The following SYNE1 variants were observed in gnomAD, a reference collection of about 807,000 sequenced individuals.
SYNE1 encodes spectrin repeat containing nuclear envelope protein 1.
Under a neutral mutation model 1,111.0 loss-of-function variants are expected in SYNE1, and 616 were observed. That is an observed-to-expected ratio of 0.55 (90% CI 0.52 to 0.59). The LOEUF (loss-of-function observed/expected upper bound fraction) is 0.59. Among genes scored for constraint, SYNE1 ranks in the 20% least tolerant of loss-of-function variants. SYNE1 has a pLI of 0.00. For synonymous variants in SYNE1, 3,855 were observed against 3,825.8 expected (o/e 1.01, Z -0.28); for missense variants, 10,006 against 10,417.0 (o/e 0.96, Z 1.72).
chr6:152,329,538 AAAAAC>A (rs529023140), intron 78 of SYNE1, among the ~76,000 whole-genome samples, 187 bp downstream of exon 78: 11 of 152,354 alleles, frequency 7.2e-5, no homozygotes, highest in Non-Finnish European at 1.2e-4. Context: ...AAAAAACCCA[AAAAAC>A]AAAACAAAAC....
At chr6:152,129,993 G>C (rs2054980435) in intron 145 of SYNE1, among the ~76,000 whole-genome samples, 1 of 152,208 alleles carries the variant, frequency 6.6e-6, no homozygotes, top group Non-Finnish European at 1.5e-5. Flanking sequence ...AGAAGGCAAA[G>C]CACTGCTAAC....
chr6:152,517,053 T>A (rs1226739359), intron 6 of SYNE1, among the ~76,000 whole-genome samples: 1 of 152,226 alleles, frequency 6.6e-6, no homozygotes. Flanking sequence ...TTGCACACTA[T>A]CCTAATGCCT....
chr6:152,147,770 G>C (rs2059775376), intron 137 of SYNE1: 1 of 431,138 alleles, frequency 2.3e-6, no homozygotes, highest in Non-Finnish European at 4.3e-6. Flanking sequence ...TCCCACACTA[G>C]AGTGGAAGCT....
intron 16 of SYNE1, 50 bp downstream of exon 16, chr6:152,471,547 G>T: frequency 6.4e-7 from 1 of 1,565,506 alleles, no homozygotes; most frequent in Non-Finnish European, 8.8e-7. Flanking sequence ...GAACTGTGTT[G>T]CTAAATCCAT....
intron 130 of SYNE1, among the ~76,000 whole-genome samples, chr6:152,169,253 C>G (rs1424606189): frequency 6.6e-6 from 1 of 152,030 alleles, no homozygotes; most frequent in African/African-American, 2.4e-5. Context: ...AAACAGAACA[C>G]TACAGGAAAC....
At chr6:152,377,624 AAAAAAAAAAAAAAAAAATATAT>A (rs1365870281) in intron 56 of SYNE1, among the ~76,000 whole-genome samples, 89 of 106,066 alleles carry the variant, frequency 8.4e-4, no homozygotes, top group African/African-American at 3.7e-3. Context: ...AAAAAAAAAA[AAAAAAAAAAAAAAAAAATATAT>A]ATATATATAT....
intron 46 of SYNE1, among the ~76,000 whole-genome samples, chr6:152,402,163 A>G (rs1431477346): frequency 6.6e-6 from 1 of 152,132 alleles, no homozygotes; most frequent in African/African-American, 2.4e-5. Flanking sequence ...CTGGATGGGC[A>G]TCTGTGCCCT....
At chr6:152,635,325 C>T (rs1279440428) in intron 2 of SYNE1, among the ~76,000 whole-genome samples, 1 of 152,200 alleles carries the variant, frequency 6.6e-6, no homozygotes, top group African/African-American at 2.4e-5. Flanking sequence ...CTGGGTCAGT[C>T]TGAAGCTGTT....
intron 133 of SYNE1, 133 bp from the exon 134 acceptor site, chr6:152,152,274 T>C: frequency 1.2e-6 from 1 of 812,654 alleles, no homozygotes. Flanking sequence ...TGATGTCTAA[T>C]AACGGTACAC....
intron 3 of SYNE1, among the ~76,000 whole-genome samples, chr6:152,585,425 C>T (rs2099534746): frequency 6.6e-6 from 1 of 152,236 alleles, no homozygotes; most frequent in Non-Finnish European, 1.5e-5. Flanking sequence ...AACAAAATTA[C>T]TGACTCAATG....
At position 152,510,186 on chromosome 6, in the gene SYNE1, T is replaced by C. The variant is rs367617527; in HGVS notation, c.581+7A>G. The C allele has an allele frequency of 6.4e-5, 103 of 1,613,804 alleles. 1 individual carries two copies. The highest frequency in any genetic ancestry group is 1.6e-4 in the Middle Eastern group (1 of 6,080). On this transcript the variant is annotated splice_region_variant and intron_variant, in intron 8 of 145. Coordinates refer to ENST00000367255, the MANE Select transcript of SYNE1 (RefSeq NM_182961.4). ...GTTTCAAATTTAGACAAACTCTTGA[T>C]ACTTACTTGCCAGCTGTGTACTGAA...
At chr6:152,506,812 A>G (rs573109705) in intron 8 of SYNE1, among the ~76,000 whole-genome samples, 1 of 152,274 alleles carries the variant, frequency 6.6e-6, no homozygotes, top group South Asian at 2.1e-4. Flanking sequence ...CCTGGCCTCA[A>G]GTGATCCACC....
chr6:152,516,001 G>GA (rs1000791325), intron 6 of SYNE1, among the ~76,000 whole-genome samples: 43 of 151,636 alleles, frequency 2.8e-4, no homozygotes, highest in African/African-American at 9.7e-4. Flanking sequence ...GTTATCAAAA[G>GA]AAAAAAAATC....
Position 152,430,506 on chromosome 6 carries a change from T to C in SYNE1, c.4665A>G (p.Gln1555=). The C allele has an allele frequency of 6.2e-7, 1 of 1,614,086 alleles. No homozygotes were observed. Among genetic ancestry groups the C allele is most frequent in the Non-Finnish European group, 8.5e-7 (1 of 1,179,952 alleles). Residue 1555 remains glutamine (Q), a synonymous_variant, in exon 35 of 146, where the codon CAA becomes CAG. Coordinates refer to ENST00000367255, the MANE Select transcript of SYNE1 (RefSeq NM_182961.4). ...CCTTTCTAAGGTTCTCTTCAAACTTTTGCTGCTGAGATAAATGTCCCAGGA... is the reference window on the plus strand; with the variant it reads ...CCTTTCTAAGGTTCTCTTCAAACTTCTGCTGCTGAGATAAATGTCCCAGGA... ...GTILGHLSQQ[Q]KFEENLRKIQ...
At chr6:152,283,564 T>G (rs1341398696) in intron 96 of SYNE1, among the ~76,000 whole-genome samples, 2 of 152,152 alleles carry the variant, frequency 1.3e-5, no homozygotes, top group Non-Finnish European at 2.9e-5. Context: ...TGAGACAGAG[T>G]CTCGCTCTGT....
chr6:152,392,051 G>A (rs753092693), intron 51 of SYNE1, among the ~76,000 whole-genome samples: 24 of 152,042 alleles, frequency 1.6e-4, no homozygotes, highest in Non-Finnish European at 2.5e-4. Context: ...TTCAAAGCTC[G>A]GCGCAGGCAT....
At position 152,450,789 on chromosome 6, in the gene SYNE1, C is replaced by A. The variant is rs1457329850; in HGVS notation, c.3231G>T (p.Arg1077Ser). The change falls in exon 27 of 146, where the codon AGG becomes AGT. Residue 1077 changes from arginine to serine, a missense_variant. By Grantham distance (110) the Arg-to-Ser change is moderately radical (BLOSUM62 -1). Around this residue, in one of 7 missense-constraint regions of SYNE1, gnomAD observed 1,971 missense variants for 2,084.1 expected, o/e 0.95. Coordinates refer to ENST00000367255, the MANE Select transcript of SYNE1 (RefSeq NM_182961.4). Reference sequence around the variant, plus strand: ...CACAGAGTTCCTCGATGAGCTGTAACCTTTTCTCACAGAGATGATGAGGAC... The same window carrying A: ...CACAGAGTTCCTCGATGAGCTGTAAACTTTTCTCACAGAGATGATGAGGAC... ...DKGPHHLCEK[R>S]LQLIEELCVK... is the part of the protein sequence containing the mutation. The A allele has an allele frequency of 6.2e-7, 1 of 1,614,074 alleles. No homozygotes were observed. Among genetic ancestry groups the A allele is most frequent in the Middle Eastern group, 1.7e-4 (1 of 6,030 alleles).
Position 152,121,853 on chromosome 6 carries a change from T to C in SYNE1, c.*583A>G, listed in dbSNP as rs3756933. Reference sequence around the variant, plus strand: ...ATTACATCTAGTTTTTCTTTATACCTCTAAAAAAAAGTGCCTTTTAGATTT... The same window carrying C: ...ATTACATCTAGTTTTTCTTTATACCCCTAAAAAAAAGTGCCTTTTAGATTT... On this transcript the variant is annotated 3_prime_UTR_variant, in exon 146 of 146. Transcript: ENST00000367255. The C allele has an allele frequency of 0.024, 3,701 of 154,136 alleles. 78 individuals are homozygous for C. The highest frequency in any genetic ancestry group is 0.061 in the East Asian group (320 of 5,208). The allele number at this position is 154,136 out of a possible 1,614,324, so 9.5% of individuals were successfully genotyped here. A position where few individuals can be genotyped will look rare whatever the true frequency, so the allele number is the denominator to read the frequency against.
At chr6:152,415,708 TAAAC>T (rs2098140280) in intron 41 of SYNE1, among the ~76,000 whole-genome samples, 1 of 139,938 alleles carries the variant, frequency 7.1e-6, no homozygotes, top group Non-Finnish European at 1.5e-5. Context: ...TCTTTGCTCA[TAAAC>T]TGACTTTAGG....
Sources: gnomAD v4.1 joint callset for allele counts (sites outside exome capture counted in the v4.1 genomes callset) on GRCh38, gnomAD v4.1.1 for gene constraint, gnomAD v4.1.1 regional missense constraint, MANE v1.5 for transcripts, NCBI Gene and HGNC (gene_info 2026-07-23, HGNC 2026-07-21) for gene names.